ASTN2: variants seen among roughly 807,000 people sequenced by gnomAD.
ASTN2 encodes the protein astrotactin 2.
Under a neutral mutation model 139.8 loss-of-function variants are expected in ASTN2, and 54 were observed. The ratio of observed to expected loss-of-function variants is 0.39; its 90% confidence interval spans 0.31 to 0.48. ASTN2 has a LOEUF of 0.48. Among genes scored for constraint, ASTN2 ranks in the 20% least tolerant of loss-of-function variants. The pLI is 0.95. For missense variants in ASTN2, 1,565 were observed against 1,725.1 expected (o/e 0.91, Z 1.64); for synonymous variants, 756 against 719.5 (o/e 1.05, Z -0.81).
chr9:117,369,736 A>T (rs546508228), intron 1 of ASTN2, among the ~76,000 whole-genome samples: 2 of 152,296 alleles, frequency 1.3e-5, no homozygotes, highest in African/African-American at 4.8e-5. Flanking sequence ...AAATGAACAC[A>T]TGAGTAAGTG....
chr9:117,343,673 A>G (rs1829126787), intron 1 of ASTN2, among the ~76,000 whole-genome samples: 1 of 152,150 alleles, frequency 6.6e-6, no homozygotes, highest in Non-Finnish European at 1.5e-5. Context: ...CTCAGCTAGC[A>G]AGGAATGAAA....
intron 5 of ASTN2, among the ~76,000 whole-genome samples, chr9:117,079,236 G>C (rs1828360479): frequency 6.6e-6 from 1 of 152,096 alleles, no homozygotes; most frequent in South Asian, 2.1e-4. Flanking sequence ...CGTGACTGTG[G>C]TCCTAGCTTC....
intron 19 of ASTN2, among the ~76,000 whole-genome samples, chr9:116,595,019 G>A (rs534966193): frequency 2.0e-5 from 3 of 152,270 alleles, no homozygotes; most frequent in African/African-American, 7.2e-5. Flanking sequence ...CAAGAGTAGG[G>A]ATAAAGAGCA....
rs994940394 is a variant in ASTN2 at position 117,228,142 on chromosome 9, A to G, written c.631-13400T>C. Among the ~76,000 whole-genome samples the G allele has an allele frequency of 2.6e-5, 4 of 152,080 alleles. No individual in the cohort carries two copies. The East Asian group carries it at 7.7e-4, about 29-fold the overall frequency. On this transcript the variant is annotated intron_variant, in intron 2 of 22. Coordinates refer to ENST00000313400, the MANE Select transcript of ASTN2 (RefSeq NM_001365068.1). The stretch of plus-strand genomic sequence containing the variant: ...GGTGCCTTTTCCTCTTTATGTAAGG[A>G]CTTCATTGATAATCATGTTTTTAAA...
chr9:116,485,019 G>T (rs181581895), intron 20 of ASTN2, among the ~76,000 whole-genome samples: 1 of 152,266 alleles, frequency 6.6e-6, no homozygotes, highest in East Asian at 1.9e-4. Context: ...TAGTGAATAG[G>T]AATCACCCGA....
At chr9:116,559,227 C>A (rs112161747) in intron 19 of ASTN2, among the ~76,000 whole-genome samples, 2,371 of 152,310 alleles carry the variant, frequency 0.016, 64 homozygotes, top group African/African-American at 0.055. Context: ...ATTTGTTACA[C>A]TGTAAATCCC....
intron 19 of ASTN2, among the ~76,000 whole-genome samples, chr9:116,572,869 C>T (rs1025345715): frequency 6.6e-6 from 1 of 152,152 alleles, no homozygotes; most frequent in Non-Finnish European, 1.5e-5. Flanking sequence ...AGGTCAAAGG[C>T]ACTCTTGTGA....
Position 116,698,695 on chromosome 9 carries a change from C to T in ASTN2, c.2806+27076G>A. 1.2e-6 allele frequency: 2 copies of T among 1,614,208 alleles called. No individual in the cohort carries two copies. Among genetic ancestry groups the T allele is most frequent in the Admixed American group, 1.7e-5 (1 of 60,026 alleles). On this transcript the variant is annotated intron_variant, in intron 16 of 22. Coordinates refer to ENST00000313400, the MANE Select transcript of ASTN2 (RefSeq NM_001365068.1). The surrounding 1 kb of genome is among the most constrained non-coding windows in gnomAD (Gnocchi z 4.4). ...GAGGCCACAGCGTCTGCTGCCTCTA[C>T]CTCTGTTACTTTTAGAGAGATGGAC...
intron 11 of ASTN2, among the ~76,000 whole-genome samples, chr9:116,836,686 G>C (rs1056204813): frequency 6.6e-6 from 1 of 151,956 alleles, no homozygotes; most frequent in Non-Finnish European, 1.5e-5. Flanking sequence ...GAGGCAAAGA[G>C]AGAATCCAGG....
intron 1 of ASTN2, among the ~76,000 whole-genome samples, chr9:117,334,004 T>C (rs1828796419): frequency 6.6e-6 from 1 of 152,196 alleles, no homozygotes; most frequent in South Asian, 2.1e-4. Context: ...CCATGCTGCA[T>C]ACCAGAGGTC....
chr9:117,153,725 G>T (rs1202020543), intron 3 of ASTN2, among the ~76,000 whole-genome samples: 1 of 152,038 alleles, frequency 6.6e-6, no homozygotes, highest in East Asian at 1.9e-4. Flanking sequence ...CTTTCCTTTA[G>T]ACCACATTAG....
At chr9:117,009,318 T>C (rs1430090938) in intron 6 of ASTN2, among the ~76,000 whole-genome samples, 4 of 152,274 alleles carry the variant, frequency 2.6e-5, no homozygotes, top group South Asian at 4.1e-4. Flanking sequence ...ATATATTATA[T>C]AGTACTATAT....
At chr9:117,012,646 G>A (rs1400652690) in intron 6 of ASTN2, among the ~76,000 whole-genome samples, 1 of 152,186 alleles carries the variant, frequency 6.6e-6, no homozygotes, top group African/African-American at 2.4e-5. Flanking sequence ...GGGACTCAAA[G>A]AGGAACATTG....
chr9:117,002,895 G>T (rs548907644), intron 7 of ASTN2, among the ~76,000 whole-genome samples: 2 of 152,314 alleles, frequency 1.3e-5, no homozygotes, highest in Admixed American at 1.3e-4. Flanking sequence ...GACAGTAGGT[G>T]GGAGGGCCCC....
In ASTN2 at chr9:117,214,617, G is replaced by T; in HGVS notation, c.756C>A (p.Ile252=). 1.3e-6 allele frequency: 2 copies of T among 1,591,944 alleles called. No homozygotes were observed. The highest frequency in any genetic ancestry group is 1.7e-6 in the Non-Finnish European group (2 of 1,163,032). Residue 252 remains isoleucine, a synonymous_variant, in exon 3 of 23, where the codon ATC becomes ATA. Transcript: ENST00000313400. ...KSASTEATHE[I]HYIPSVLLGP... is the part of the protein sequence containing the mutation. Reference sequence around the variant, plus strand: ...CCAGCAGCACAGATGGGATGTAGTGGATCTCATGAGTGGCTTCTGTGCTTG... The same window carrying T: ...CCAGCAGCACAGATGGGATGTAGTGTATCTCATGAGTGGCTTCTGTGCTTG...
intron 7 of ASTN2, among the ~76,000 whole-genome samples, chr9:117,001,492 A>C (rs1032459414): frequency 3.3e-5 from 5 of 152,018 alleles, no homozygotes; most frequent in Non-Finnish European, 7.4e-5. Context: ...CTTACCTTTT[A>C]ATGACCTCTC....
intron 1 of ASTN2, among the ~76,000 whole-genome samples, chr9:117,327,873 TC>T (rs1828570120): frequency 6.6e-6 from 1 of 152,202 alleles, no homozygotes; most frequent in African/African-American, 2.4e-5. Flanking sequence ...TCCCAGGTAC[TC>T]TTTGACGGCA....
rs115229576 is a variant in ASTN2, at chr9:116,856,254, C to T, written c.2040+7329G>A. On this transcript the variant is annotated intron_variant, in intron 11 of 22. Transcript: ENST00000313400. ...TCTGAATCTATCATACCCCATGTGG[C>T]TGATCTACAGGGATAAATTTAGCTT... is the stretch of plus-strand genomic sequence containing the variant. Among the ~76,000 whole-genome samples, 636 of 152,320 alleles carry T rather than the reference C, an allele frequency of 4.2e-3. 3 individuals carry two copies. The highest frequency in any genetic ancestry group is 0.015 in the African/African-American group (616 of 41,566).
chr9:116,700,149 G>C (rs1171284440), intron 16 of ASTN2: 4 of 245,602 alleles, frequency 1.6e-5, no homozygotes, highest in South Asian at 6.6e-5. Flanking sequence ...TGGATTCACT[G>C]TGCATGCTTC....
Sources: gnomAD v4.1 joint callset for allele counts (sites outside exome capture counted in the v4.1 genomes callset) on GRCh38, gnomAD v4.1.1 for gene constraint, Gnocchi (gnomAD v3.1) non-coding constraint, MANE v1.5 for transcripts, NCBI Gene and HGNC (gene_info 2026-07-23, HGNC 2026-07-21) for gene names.